Variants in MYT1L observed in about 807,000 individuals in gnomAD.
The protein encoded by MYT1L is myelin transcription factor 1 like.
Under a neutral mutation model 126.7 loss-of-function variants are expected in MYT1L, and 12 were observed. The observed-to-expected ratio is 0.09, with a 90% CI of 0.06 to 0.15. The LOEUF (loss-of-function observed/expected upper bound fraction) is 0.15, where lower values mean the gene tolerates loss of function less well. MYT1L is among the 10% of genes least tolerant of loss of function. The pLI is 1.00. For missense variants in MYT1L, 979 were observed against 1,585.2 expected (o/e 0.62, Z 6.49); for synonymous variants, 541 against 604.2 (o/e 0.90, Z 1.53).
intron 19 of MYT1L, chr2:1,842,871 C>CCGCTTCCAGGCGCTTT: frequency 7.2e-6 from 1 of 138,336 alleles, no homozygotes; most frequent in African/African-American, 2.8e-5. Context: ...TGTCCAGCTT[C>CCGCTTCCAGGCGCTTT]CGCTTCCAGG....
At chr2:2,036,872 T>G (rs1206744154) in intron 4 of MYT1L, among the ~76,000 whole-genome samples, 1 of 152,146 alleles carries the variant, frequency 6.6e-6, no homozygotes, top group African/African-American at 2.4e-5. Context: ...ACACTTCAAT[T>G]TAAGACTCAT....
chr2:1,953,815 A>C (rs1030852052), intron 8 of MYT1L, among the ~76,000 whole-genome samples: 1 of 152,114 alleles, frequency 6.6e-6, no homozygotes, highest in Admixed American at 6.5e-5. Flanking sequence ...AACAGAACTC[A>C]CCACCCTTGC....
chr2:2,299,365 A>G (rs2095749482), intron 1 of MYT1L, among the ~76,000 whole-genome samples: 1 of 152,234 alleles, frequency 6.6e-6, no homozygotes, highest in South Asian at 2.1e-4. Context: ...GTCAGAGGTC[A>G]CTGGAGAGCC....
chr2:2,182,649 T>C (rs1325158036), intron 2 of MYT1L, among the ~76,000 whole-genome samples: 1 of 152,174 alleles, frequency 6.6e-6, no homozygotes, highest in Non-Finnish European at 1.5e-5. Flanking sequence ...AAGCACAGCA[T>C]GCGCTTTGCA....
chr2:2,226,214 G>A lies in MYT1L; in HGVS notation c.-420-53226C>T, dbSNP rs576360595. On this transcript the variant is annotated intron_variant, in intron 2 of 24. Transcript: ENST00000647738. The stretch of plus-strand genomic sequence containing the variant: ...CAGCAACATTGAGTCCTAGTTGTGC[G>A]GCCTGCCAGGGTGTTTGCTGATCAC... 1.8e-4 allele frequency among the ~76,000 whole-genome samples: 28 copies of A among 152,206 alleles called. 1 individual carries two copies. The highest frequency in any genetic ancestry group is 1.2e-3 in the South Asian group (6 of 4,816).
intron 3 of MYT1L, among the ~76,000 whole-genome samples, chr2:2,158,644 C>T (rs1347606533): frequency 5.9e-5 from 9 of 151,348 alleles, no homozygotes; most frequent in Admixed American, 4.6e-4. Context: ...CACACACACA[C>T]ACACGCGTAG....
At chr2:2,094,466 C>T (rs1445819723) in intron 3 of MYT1L, among the ~76,000 whole-genome samples, 16 of 152,046 alleles carry the variant, frequency 1.1e-4, no homozygotes, top group Non-Finnish European at 1.9e-4. Context: ...TAAAGACACA[C>T]GCACATGTAT....
intron 8 of MYT1L, among the ~76,000 whole-genome samples, chr2:1,976,240 C>G (rs2149473949): frequency 6.6e-6 from 1 of 152,110 alleles, no homozygotes. Context: ...ACAGCAAATG[C>G]CAGCATCACA....
intron 18 of MYT1L, among the ~76,000 whole-genome samples, chr2:1,865,730 C>A (rs2045376005): frequency 6.6e-6 from 1 of 152,002 alleles, no homozygotes; most frequent in Non-Finnish European, 1.5e-5. Context: ...GGCCTGTGAG[C>A]TCTGCAGGGG....
chr2:2,156,628 G>A (rs1029824227), intron 3 of MYT1L, among the ~76,000 whole-genome samples: 30 of 152,302 alleles, frequency 2.0e-4, no homozygotes, highest in East Asian at 7.7e-4. Flanking sequence ...CAGAGGAGAC[G>A]AAGGCTGGCT....
chr2:2,148,663 G>A (rs1324305924), intron 3 of MYT1L, among the ~76,000 whole-genome samples: 5 of 152,200 alleles, frequency 3.3e-5, no homozygotes, highest in African/African-American at 1.2e-4. Context: ...GTTCCTGTCT[G>A]TATTCTTCAG....
At chr2:1,975,868 C>T (rs1373130071) in intron 8 of MYT1L, among the ~76,000 whole-genome samples, 1 of 152,032 alleles carries the variant, frequency 6.6e-6, no homozygotes, top group Non-Finnish European at 1.5e-5. Flanking sequence ...TGTCTCAAAA[C>T]AAAACTAAAC....
chr2:2,315,562 G>A (rs1313954821), intron 1 of MYT1L, among the ~76,000 whole-genome samples: 1 of 152,076 alleles, frequency 6.6e-6, no homozygotes, highest in East Asian at 1.9e-4. Flanking sequence ...TAAATTTACT[G>A]TACCCACTAA....
At chr2:2,036,989 T>C (rs1243637798) in intron 4 of MYT1L, among the ~76,000 whole-genome samples, 2 of 152,198 alleles carry the variant, frequency 1.3e-5, no homozygotes, top group Non-Finnish European at 2.9e-5. Context: ...AGGCATCCCT[T>C]GGTTCTCCCA....
chr2:2,154,250 T>TCAC (rs1178270534), intron 3 of MYT1L, among the ~76,000 whole-genome samples: 2 of 152,150 alleles, frequency 1.3e-5, no homozygotes, highest in Admixed American at 6.6e-5. Flanking sequence ...TGAAACCCAC[T>TCAC]CACCATCTGT....
intron 2 of MYT1L, among the ~76,000 whole-genome samples, chr2:2,174,645 G>T (rs965246275): frequency 2.7e-5 from 4 of 150,716 alleles, no homozygotes; most frequent in Non-Finnish European, 5.9e-5. Flanking sequence ...CTTTTATTTT[G>T]ACCTTTTTAA....
chr2:2,149,011 A>C (rs1231403197), intron 3 of MYT1L, among the ~76,000 whole-genome samples: 2 of 152,000 alleles, frequency 1.3e-5, no homozygotes, highest in Non-Finnish European at 2.9e-5. Flanking sequence ...TATGTTCTGG[A>C]GGCGGCTGTC....
At chr2:2,112,595 T>C (rs1410738297) in intron 3 of MYT1L, among the ~76,000 whole-genome samples, 1 of 151,944 alleles carries the variant, frequency 6.6e-6, no homozygotes, top group African/African-American at 2.4e-5. Flanking sequence ...TGCCCTGGAG[T>C]CTTGATACAA....
rs536002901 is a variant in MYT1L at position 2,178,497 on chromosome 2, G to A, written c.-420-5509C>T. ...AAATAGAGGCAATTAGAACAAAGGC[G>A]GATTGGTGCCGTGTCAGAACACAGA... is the stretch of plus-strand genomic sequence containing the variant. On this transcript the variant is annotated intron_variant, in intron 2 of 24. Coordinates refer to ENST00000647738, the MANE Select transcript of MYT1L (RefSeq NM_001303052.2). Among the ~76,000 whole-genome samples, 59 of 152,290 alleles carry A rather than the reference G, an allele frequency of 3.9e-4. 1 individual carries two copies. The South Asian group carries it at 0.011, about 27-fold the overall frequency.
Sources: allele counts gnomAD v4.1 joint callset (sites outside exome capture counted in the v4.1 genomes callset), GRCh38; gene constraint gnomAD v4.1.1; transcripts MANE v1.5; gene names NCBI Gene and HGNC (gene_info 2026-07-23, HGNC 2026-07-21).